The following BTBD9 variants were observed in gnomAD, a reference collection of about 807,000 sequenced individuals.
The protein encoded by BTBD9 is BTB domain containing 9, also known as BTB/POZ domain-containing protein 9.
In BTBD9, 49 loss-of-function variants were observed where a neutral mutation model predicts 64.3. The ratio of observed to expected loss-of-function variants is 0.76; its 90% CI spans 0.61 to 0.97. The LOEUF (loss-of-function observed/expected upper bound fraction) is 0.97, where lower values mean the gene tolerates loss of function less well. BTBD9 is among the 50% of genes least tolerant of loss of function. BTBD9 has a pLI of 0.00. For synonymous variants in BTBD9, 260 were observed against 274.7 expected (o/e 0.95, Z 0.53); for missense variants, 598 against 762.1 (o/e 0.78, Z 2.53).
In BTBD9 at chr6:38,187,629, T is replaced by TG. The variant is rs541657046; in HGVS notation, c.1641+4889dup. ...AGCAGAGGACGACAGAAGCACACAGTGGGGGGGAGTGAAAGTGGAGTGTGC... is the reference window on the plus strand; with the variant it reads ...AGCAGAGGACGACAGAAGCACACAGTGGGGGGGGAGTGAAAGTGGAGTGTGC... On this transcript the variant is annotated intron_variant, in intron 10 of 10. Transcript: ENST00000481247. Among the ~76,000 whole-genome samples the TG allele has an allele frequency of 1.1e-3, 164 of 151,648 alleles. 1 individual carries two copies. Among genetic ancestry groups the TG allele is most frequent in the African/African-American group, 3.8e-3 (158 of 41,284 alleles).
At chr6:38,566,844 A>G (rs1173194468) in intron 6 of BTBD9, among the ~76,000 whole-genome samples, 1 of 152,252 alleles carries the variant, frequency 6.6e-6, no homozygotes, top group Non-Finnish European at 1.5e-5. Flanking sequence ...TCATCTGTTC[A>G]GAACTGGGAA....
intron 6 of BTBD9, among the ~76,000 whole-genome samples, chr6:38,351,084 CAAAAAGCTTCTA>C (rs1464299059): frequency 6.6e-6 from 1 of 152,184 alleles, no homozygotes; most frequent in African/African-American, 2.4e-5. Context: ...GCCAGAATGA[CAAAAAGCTTCTA>C]GAAAAGCATG....
At chr6:38,453,958 C>T (rs1040732185) in intron 6 of BTBD9, among the ~76,000 whole-genome samples, 2 of 152,154 alleles carry the variant, frequency 1.3e-5, no homozygotes, top group African/African-American at 4.8e-5. Flanking sequence ...CACACCAGGT[C>T]GTGCATCAGC....
chr6:38,414,216 G>A (rs1767564629), intron 6 of BTBD9, among the ~76,000 whole-genome samples: 1 of 152,150 alleles, frequency 6.6e-6, no homozygotes, highest in Non-Finnish European at 1.5e-5. Flanking sequence ...TTGTGAAGGT[G>A]CTTATTTTAA....
intron 6 of BTBD9, among the ~76,000 whole-genome samples, chr6:38,404,424 T>G (rs893456362): frequency 3.3e-5 from 5 of 152,152 alleles, no homozygotes; most frequent in African/African-American, 1.2e-4. Flanking sequence ...AGAAGTAGAA[T>G]AGACAAATTT....
intron 1 of BTBD9, among the ~76,000 whole-genome samples, chr6:38,618,408 A>C (rs1043748295): frequency 3.3e-5 from 5 of 152,172 alleles, no homozygotes; most frequent in Non-Finnish European, 7.3e-5. Context: ...TTGAAGTATA[A>C]TCCACAACTA....
intron 6 of BTBD9, among the ~76,000 whole-genome samples, chr6:38,396,897 CTTTTTTTTTT>C (rs146597621): frequency 9.3e-6 from 1 of 107,402 alleles, no homozygotes; most frequent in Non-Finnish European, 1.8e-5. Context: ...TTTTCTTTTT[CTTTTTTTTTT>C]TTTTTTTTTT....
intron 7 of BTBD9, among the ~76,000 whole-genome samples, chr6:38,311,195 C>G (rs552933790): frequency 6.7e-6 from 1 of 148,528 alleles, no homozygotes; most frequent in African/African-American, 2.6e-5. Flanking sequence ...TCTTATTCAT[C>G]CTATTTTTTT....
intron 8 of BTBD9, among the ~76,000 whole-genome samples, chr6:38,281,587 G>C (rs1286412748): frequency 2.6e-5 from 4 of 152,056 alleles, no homozygotes; most frequent in African/African-American, 9.7e-5. Context: ...AAAACAAAAA[G>C]AGCTTCACCC....
intron 6 of BTBD9, among the ~76,000 whole-genome samples, chr6:38,365,655 G>C (rs1017829977): frequency 6.6e-6 from 1 of 151,778 alleles, no homozygotes. Context: ...CTTCTCAGAA[G>C]ACTGAGGTGG....
chr6:38,596,136 A>C (rs2127495559), intron 2 of BTBD9: 1 of 822,234 alleles, frequency 1.2e-6, no homozygotes, highest in East Asian at 1.2e-4. Context: ...ATTCCTTTGC[A>C]CATGAATACA....
chr6:38,621,531 C>T (rs1777982190), intron 1 of BTBD9, among the ~76,000 whole-genome samples: 1 of 152,172 alleles, frequency 6.6e-6, no homozygotes, highest in Admixed American at 6.5e-5. Context: ...AGCCCCTTCC[C>T]CCAGGGACCA....
intron 4 of BTBD9, among the ~76,000 whole-genome samples, chr6:38,584,049 G>A (rs1394133721): frequency 6.6e-6 from 1 of 152,146 alleles, no homozygotes; most frequent in East Asian, 1.9e-4. Flanking sequence ...AGTGCTGGCT[G>A]GGTACAGTGG....
At chr6:38,592,882 C>T (rs1776866650) in intron 3 of BTBD9, 42 bp from the exon 4 acceptor site, 1 of 1,594,658 alleles carries the variant, frequency 6.3e-7, no homozygotes, top group Non-Finnish European at 8.6e-7. Context: ...ATATGAAGTT[C>T]AACCACTGCA....
At chr6:38,332,018 C>T (rs528105382) in intron 7 of BTBD9, among the ~76,000 whole-genome samples, 3 of 152,294 alleles carry the variant, frequency 2.0e-5, no homozygotes, top group East Asian at 3.9e-4. Context: ...TCGATAAGCA[C>T]TTAATTATTA....
intron 6 of BTBD9, among the ~76,000 whole-genome samples, chr6:38,544,339 T>G (rs2127440849): frequency 6.6e-6 from 1 of 152,222 alleles, no homozygotes; most frequent in South Asian, 2.1e-4. Context: ...GAGAGACAAC[T>G]ATATATTATA....
chr6:38,564,162 C>T (rs569623325), intron 6 of BTBD9, among the ~76,000 whole-genome samples: 26 of 152,318 alleles, frequency 1.7e-4, no homozygotes, highest in African/African-American at 6.0e-4. Flanking sequence ...CCAGTTTAAA[C>T]TGTATTCGTG....
chr6:38,332,719 G>A (rs940870074), intron 7 of BTBD9, among the ~76,000 whole-genome samples: 2 of 151,830 alleles, frequency 1.3e-5, no homozygotes, highest in Non-Finnish European at 2.9e-5. Flanking sequence ...ACATAACTGG[G>A]ATTTTGAGTA....
intron 7 of BTBD9, among the ~76,000 whole-genome samples, chr6:38,298,481 T>C (rs565149400): frequency 6.6e-6 from 1 of 152,210 alleles, no homozygotes; most frequent in Non-Finnish European, 1.5e-5. Flanking sequence ...GCCTCAAGTA[T>C]TTGTTGTTTC....
Sources: gnomAD v4.1 joint callset for allele counts (sites outside exome capture counted in the v4.1 genomes callset) on GRCh38, gnomAD v4.1.1 for gene constraint, MANE v1.5 for transcripts, NCBI Gene and HGNC (gene_info 2026-07-23, HGNC 2026-07-21) for gene names.